THADA: variants seen among roughly 807,000 people sequenced by gnomAD.
THADA encodes tRNA (32-2'-O)-methyltransferase regulator THADA.
A neutral mutation model predicts 219.8 loss-of-function variants in THADA; 213 were observed. That is an observed-to-expected ratio of 0.97 (90% CI 0.87 to 1.09). The LOEUF (loss-of-function observed/expected upper bound fraction) is 1.09, where lower values mean the gene tolerates loss of function less well. Ranked by LOEUF, THADA falls within the 50% of genes least tolerant of loss-of-function variation. The pLI is 0.00. For synonymous variants in THADA, 1,018 were observed against 828.9 expected (o/e 1.23, Z -3.92); for missense variants, 2,956 against 2,311.3 (o/e 1.28, Z -5.72).
At chr2:43,592,226 T>A in intron 2 of THADA, 91 bp downstream of exon 2, 1 of 1,072,412 alleles carries the variant, frequency 9.3e-7, no homozygotes, top group Non-Finnish European at 1.3e-6. Context: ...TATAAAGAAT[T>A]TGAATATTAT....
intron 31 of THADA, among the ~76,000 whole-genome samples, chr2:43,308,778 AAAAAAAG>A (rs1677163415): frequency 6.6e-6 from 1 of 150,596 alleles, no homozygotes; most frequent in African/African-American, 2.4e-5. Flanking sequence ...AAAAAAAAAA[AAAAAAAG>A]AATGCCAACC....
At position 43,549,209 on chromosome 2, in the gene THADA, C is replaced by G. The variant is rs374836554; in HGVS notation, c.3106+1G>C. The G allele has an allele frequency of 2.2e-5, 34 of 1,562,026 alleles. No homozygotes were observed. The highest frequency in any genetic ancestry group is 1.7e-4 in the Middle Eastern group (1 of 5,878). Reference sequence around the variant, plus strand: ...TACAGTATCCATTTTATACAAGTTACCTTTGATTTCTGTAGAAGTATCAAT... The same window carrying G: ...TACAGTATCCATTTTATACAAGTTAGCTTTGATTTCTGTAGAAGTATCAAT... On this transcript the variant is annotated splice_donor_variant, in intron 20 of 37. Coordinates refer to ENST00000405975, the MANE Select transcript of THADA (RefSeq NM_022065.5). LOFTEE classifies it high-confidence loss of function.
chr2:43,397,494 A>G (rs185715668), intron 29 of THADA, among the ~76,000 whole-genome samples: 1 of 152,296 alleles, frequency 6.6e-6, no homozygotes, highest in East Asian at 1.9e-4. Flanking sequence ...TTGGTAGCAC[A>G]GAGAAAACAG....
At chr2:43,580,170 G>A (rs1308277891) in intron 8 of THADA, among the ~76,000 whole-genome samples, 1 of 151,098 alleles carries the variant, frequency 6.6e-6, no homozygotes, top group Non-Finnish European at 1.5e-5. Context: ...AACTACAGGT[G>A]CACGCCACCA....
At chr2:43,290,771 T>C (rs1301704543) in intron 34 of THADA, among the ~76,000 whole-genome samples, 2 of 151,936 alleles carry the variant, frequency 1.3e-5, no homozygotes, top group African/African-American at 2.4e-5. Context: ...TCCTGTGGTA[T>C]TGGCTGCCTT....
rs112852550 is a variant in THADA at position 43,583,576 on chromosome 2, G to A, written c.534-1648C>T. ...CACTCCTACGTATATACCCAAAAGA[G>A]CTAAAAGCAGAGACTCAAAGATATA... On this transcript the variant is annotated intron_variant, in intron 7 of 37. Transcript: ENST00000405975. Among the ~76,000 whole-genome samples the A allele has an allele frequency of 8.6e-3, 1,308 of 152,286 alleles. 13 individuals carry two copies. Among genetic ancestry groups the A allele is most frequent in the African/African-American group, 0.028 (1,178 of 41,528 alleles).
At chr2:43,438,106 G>C (rs6761913) in intron 26 of THADA, among the ~76,000 whole-genome samples, 80,329 of 151,586 alleles carry the variant, frequency 0.53, 21,773 homozygotes, top group South Asian at 0.63. Context: ...TCGAGACCAT[G>C]CTGGCTAACA....
intron 34 of THADA, among the ~76,000 whole-genome samples, chr2:43,288,732 A>T (rs917712532): frequency 1.3e-5 from 2 of 152,230 alleles, no homozygotes; most frequent in African/African-American, 2.4e-5. Context: ...GATTTAAATC[A>T]TTGGACATCG....
chr2:43,341,053 G>A (rs1667009046), intron 30 of THADA, among the ~76,000 whole-genome samples: 1 of 152,212 alleles, frequency 6.6e-6, no homozygotes, highest in Non-Finnish European at 1.5e-5. Flanking sequence ...GCTTTGGAAT[G>A]CATTGTGCTG....
At chr2:43,303,740 T>A (rs1202667320) in intron 31 of THADA, among the ~76,000 whole-genome samples, 2 of 76,038 alleles carry the variant, frequency 2.6e-5, no homozygotes, top group African/African-American at 5.2e-5. Context: ...GGGCCGGGGG[T>A]GGGGGAGGAA....
intron 13 of THADA, among the ~76,000 whole-genome samples, chr2:43,571,338 G>A (rs532227789): frequency 1.0e-4 from 15 of 149,012 alleles, no homozygotes; most frequent in Admixed American, 5.4e-4. Flanking sequence ...TGCAACCTCC[G>A]CTCCTAGGTT....
chr2:43,485,454 G>T, intron 25 of THADA, 129 bp from the exon 26 acceptor site: 1 of 649,642 alleles, frequency 1.5e-6, no homozygotes. Context: ...AGACAGATTT[G>T]TGTTCATAAA....
At chr2:43,553,866 C>T (rs1473738016) in intron 17 of THADA, among the ~76,000 whole-genome samples, 1 of 152,116 alleles carries the variant, frequency 6.6e-6, no homozygotes, top group East Asian at 1.9e-4. Context: ...TCTGTAAAGG[C>T]TTTTGATGTT....
At chr2:43,361,138 C>T (rs1406801257) in intron 29 of THADA, among the ~76,000 whole-genome samples, 1 of 152,184 alleles carries the variant, frequency 6.6e-6, no homozygotes, top group Non-Finnish European at 1.5e-5. Context: ...CTTCTTACAA[C>T]CAAGAATCCA....
chr2:43,263,884 C>T (rs145431711), intron 36 of THADA, among the ~76,000 whole-genome samples: 2 of 152,098 alleles, frequency 1.3e-5, no homozygotes, highest in African/African-American at 2.4e-5. Context: ...CATGCTCTCC[C>T]TCCTCTCACC....
intron 36 of THADA, among the ~76,000 whole-genome samples, chr2:43,235,955 C>T (rs896296703): frequency 2.6e-5 from 4 of 152,040 alleles, no homozygotes; most frequent in Admixed American, 1.3e-4. Flanking sequence ...TACAGGCACC[C>T]GCCACCACGC....
In THADA at chr2:43,524,102, T is replaced by G. The variant is rs1469513406; in HGVS notation, c.3374+3777A>C. The stretch of plus-strand genomic sequence containing the variant: ...TCCAATCAAATGCTTAGACAAGTAA[T>G]TATGCACAGGCAAGCAATGATGTTT... On this transcript the variant is annotated intron_variant, in intron 22 of 37. Coordinates refer to ENST00000405975, the MANE Select transcript of THADA (RefSeq NM_022065.5). 2.0e-5 allele frequency among the ~76,000 whole-genome samples: 3 copies of G among 152,328 alleles called. No individual in the cohort carries two copies. The East Asian group carries it at 5.8e-4, about 29-fold the overall frequency.
At chr2:43,387,258 C>T (rs1470652922) in intron 29 of THADA, among the ~76,000 whole-genome samples, 1 of 152,126 alleles carries the variant, frequency 6.6e-6, no homozygotes, top group Non-Finnish European at 1.5e-5. Flanking sequence ...CTCTCTGACT[C>T]TGAGGAGGGC....
At chr2:43,236,569 C>T (rs1051703946) in intron 36 of THADA, among the ~76,000 whole-genome samples, 1 of 152,194 alleles carries the variant, frequency 6.6e-6, no homozygotes, top group Non-Finnish European at 1.5e-5. Context: ...TAAGAATCTG[C>T]TGAGAGGCTG....
Sources: gnomAD v4.1 joint callset for allele counts (sites outside exome capture counted in the v4.1 genomes callset) on GRCh38, gnomAD v4.1.1 for gene constraint, MANE v1.5 for transcripts, NCBI Gene and HGNC (gene_info 2026-07-23, HGNC 2026-07-21) for gene names.